GYPE: variants seen among roughly 807,000 people sequenced by gnomAD.
GYPE encodes glycophorin E (MNS blood group).
In GYPE, 8 loss-of-function variants were observed where a neutral mutation model predicts 11.6. The ratio of observed to expected loss-of-function variants is 0.69; its 90% confidence interval spans 0.41 to 1.25. The LOEUF is 1.25. Ranked by LOEUF, GYPE falls within the 50% of genes most tolerant of loss-of-function variation. The pLI is 0.01. For missense variants in GYPE, 90 were observed against 92.8 expected (o/e 0.97, Z 0.12); for synonymous variants, 28 against 29.6 (o/e 0.94, Z 0.18).
Position 143,873,891 on chromosome 4 carries a change from A to G in GYPE, c.*10-1639T>C, listed in dbSNP as rs560496133. Among the ~76,000 whole-genome samples the G allele has an allele frequency of 2.7e-3, 407 of 152,154 alleles. 2 individuals are homozygous for G. Among genetic ancestry groups the G allele is most frequent in the African/African-American group, 9.4e-3 (389 of 41,494 alleles). ...GAAGAACTTTTTGGATGCTTCCCAC[A>G]GGACTGAAATTCCTGCCTCTAATTT... is the stretch of plus-strand genomic sequence containing the variant. On this transcript the variant is annotated intron_variant, in intron 3 of 3. Transcript: ENST00000358615.
chr4:143,882,964 T>C (rs922887299), intron 1 of GYPE, among the ~76,000 whole-genome samples: 2 of 152,170 alleles, frequency 1.3e-5, no homozygotes, highest in African/African-American at 2.4e-5. Context: ...CAAATTCTTA[T>C]GGAGAAAGAA....
At chr4:143,894,113 G>C (rs1014029477) in intron 1 of GYPE, among the ~76,000 whole-genome samples, 20 of 152,100 alleles carry the variant, frequency 1.3e-4, no homozygotes, top group African/African-American at 4.6e-4. Flanking sequence ...GGCTCCTGAG[G>C]CTTCTGCATT....
At chr4:143,885,413 CTTCTTTCTTCTTCAACAGT>C (rs1261189819) in intron 1 of GYPE, among the ~76,000 whole-genome samples, 2 of 152,098 alleles carry the variant, frequency 1.3e-5, no homozygotes, top group African/African-American at 4.8e-5. Flanking sequence ...AATAGGTAGA[CTTCTTTCTTCTTCAACAGT>C]TTCTTTCTTC....
Position 143,871,989 on chromosome 4 carries a change from C to A in GYPE, c.*273G>T, listed in dbSNP as rs1430191384. The A allele has an allele frequency of 1.3e-5, 2 of 152,142 alleles. No homozygotes were observed. Among genetic ancestry groups the A allele is most frequent in the East Asian group, 3.9e-4 (2 of 5,166 alleles). 9.4% of individuals were successfully genotyped at this position (152,142 alleles called of 1,614,324 possible). ...CAAGGGGACACCAAACACAATGAGG[C>A]ATGGGATAAGGATTTCGTGATGAGA... On this transcript the variant is annotated 3_prime_UTR_variant, in exon 4 of 4. Transcript: ENST00000358615.
intron 1 of GYPE, among the ~76,000 whole-genome samples, chr4:143,898,101 G>C (rs191000725): frequency 6.8e-4 from 104 of 152,300 alleles, no homozygotes; most frequent in Non-Finnish European, 1.2e-3. Context: ...GTTACAACTG[G>C]TGCAATGGCT....
intron 1 of GYPE, among the ~76,000 whole-genome samples, chr4:143,890,208 A>G (rs1207745212): frequency 2.0e-5 from 3 of 152,196 alleles, no homozygotes; most frequent in Admixed American, 6.5e-5. Context: ...TTACGGAAGA[A>G]CAGATGGTTC....
rs185355801 is a variant in GYPE at position 143,876,257 on chromosome 4, G to A, written c.*9+489C>T. On this transcript the variant is annotated intron_variant, in intron 3 of 3. Coordinates refer to ENST00000358615, the MANE Select transcript of GYPE (RefSeq NM_198682.3). ...GCCCCCTGAGTGGCTGATACTACACGTGTGCACCACCACGCCTTTCTAATT... is the reference window on the plus strand; with the variant it reads ...GCCCCCTGAGTGGCTGATACTACACATGTGCACCACCACGCCTTTCTAATT... Among the ~76,000 whole-genome samples the A allele has an allele frequency of 6.5e-3, 995 of 152,084 alleles. 17 individuals carry two copies. The highest frequency in any genetic ancestry group is 0.023 in the African/African-American group (948 of 41,488).
intron 1 of GYPE, among the ~76,000 whole-genome samples, chr4:143,903,466 T>A (rs1225428096): frequency 6.9e-6 from 1 of 144,278 alleles, no homozygotes; most frequent in Non-Finnish European, 1.5e-5. Context: ...GAATTAGAAA[T>A]ATTGGCTTTA....
chr4:143,897,926 T>A lies in GYPE; in HGVS notation c.37+7545A>T, dbSNP rs947687533. ...AAACACATGAAAGGATAAGTGCAAA[T>A]AAAACATAGTATATATATCAAAAGA... On this transcript the variant is annotated intron_variant, in intron 1 of 3. Transcript: ENST00000358615. 9.9e-5 allele frequency among the ~76,000 whole-genome samples: 15 copies of A among 152,096 alleles called. 1 individual carries two copies. The highest frequency in any genetic ancestry group is 2.1e-4 in the South Asian group (1 of 4,822).
rs371744756 is a variant in GYPE at position 143,902,241 on chromosome 4, A to C, written c.37+3230T>G. On this transcript the variant is annotated intron_variant, in intron 1 of 3. Coordinates refer to ENST00000358615, the MANE Select transcript of GYPE (RefSeq NM_198682.3). ...AAGCAAAGACACAGGTTTGGCTTTT[A>C]AAGAATTTATAGTCATGTATTCCCT... Among the ~76,000 whole-genome samples the C allele has an allele frequency of 3.9e-3, 589 of 151,422 alleles. 6 individuals carry two copies. Among genetic ancestry groups the C allele is most frequent in the South Asian group, 0.011 (52 of 4,742 alleles).
At chr4:143,874,513 TAGC>T (rs1177384589) in intron 3 of GYPE, among the ~76,000 whole-genome samples, 2 of 152,220 alleles carry the variant, frequency 1.3e-5, no homozygotes, top group Non-Finnish European at 1.5e-5. Context: ...ATGCTGAACA[TAGC>T]AGATTTGTGA....
rs191170526 is a variant in GYPE, at chr4:143,899,573, C to A, written c.37+5898G>T. On this transcript the variant is annotated intron_variant, in intron 1 of 3. Coordinates refer to ENST00000358615, the MANE Select transcript of GYPE (RefSeq NM_198682.3). The stretch of plus-strand genomic sequence containing the variant: ...ATCACACTTCATGAATTCAAAACTT[C>A]TAACCAAGTAACAGCAATAAAATCT... Among the ~76,000 whole-genome samples the A allele has an allele frequency of 2.3e-3, 348 of 152,124 alleles. 3 individuals are homozygous for A. The highest frequency in any genetic ancestry group is 7.9e-3 in the African/African-American group (327 of 41,490).
At chr4:143,899,243 A>G (rs2149916102) in intron 1 of GYPE, among the ~76,000 whole-genome samples, 1 of 150,854 alleles carries the variant, frequency 6.6e-6, no homozygotes, top group East Asian at 2.0e-4. Flanking sequence ...CTGGAACATC[A>G]CTAGGTATGG....
chr4:143,890,591 C>G (rs1217792290), intron 1 of GYPE, among the ~76,000 whole-genome samples: 1 of 152,134 alleles, frequency 6.6e-6, no homozygotes, highest in East Asian at 1.9e-4. Context: ...TTCTGATGTG[C>G]GGCCAGCGGC....
rs377470685 is a variant in GYPE at position 143,880,094 on chromosome 4, T to G, written c.136+317A>C. On this transcript the variant is annotated intron_variant, in intron 2 of 3. Transcript: ENST00000358615. ...TGAGCCCGGGTCTGAGCTGAACTCA[T>G]TTTGCCCACAGACCCTCCGCACCAC... Among the ~76,000 whole-genome samples the G allele has an allele frequency of 4.7e-3, 573 of 121,236 alleles. 1 individual carries two copies. Among genetic ancestry groups the G allele is most frequent in the Middle Eastern group, 0.037 (7 of 190 alleles). 79.5% of individuals were successfully genotyped at this position (121,236 alleles called of 152,430 possible).
Position 143,905,499 on chromosome 4 carries a change from T to C in GYPE, c.9A>G (p.Gly3=). The change falls in exon 1 of 4, where the codon GGA becomes GGG. Residue 3 remains glycine (G), a synonymous_variant. Coordinates refer to ENST00000358615, the MANE Select transcript of GYPE (RefSeq NM_198682.3). ...ACAATAGTAATACAAAGATTATTTT[T>C]CCATACATCCTGAGATCACGAGCTG... MY[G]KIIFVLLLSG... is the part of the protein sequence containing the mutation. 1 of 1,613,262 alleles carries C rather than the reference T, an allele frequency of 6.2e-7. No homozygotes were observed. Among genetic ancestry groups the C allele is most frequent in the Non-Finnish European group, 8.5e-7 (1 of 1,179,352 alleles).
chr4:143,891,807 A>C (rs539650591), intron 1 of GYPE, among the ~76,000 whole-genome samples: 2 of 152,274 alleles, frequency 1.3e-5, no homozygotes, highest in African/African-American at 4.8e-5. Flanking sequence ...GAGAAAATTC[A>C]AACCTGCAGT....
At chr4:143,873,612 GACA>G (rs1743691073) in intron 3 of GYPE, 1 of 346,684 alleles carries the variant, frequency 2.9e-6, no homozygotes, top group Non-Finnish European at 5.7e-6. Flanking sequence ...CCCAGATAGA[GACA>G]ACAATTCTAG....
intron 1 of GYPE, among the ~76,000 whole-genome samples, chr4:143,892,852 TC>T (rs1744465596): frequency 6.7e-6 from 1 of 150,250 alleles, no homozygotes; most frequent in South Asian, 2.2e-4. Flanking sequence ...TGAGTTCAAT[TC>T]CTGGGTATCC....
Sources: gnomAD v4.1 joint callset for allele counts (sites outside exome capture counted in the v4.1 genomes callset) on GRCh38, gnomAD v4.1.1 for gene constraint, MANE v1.5 for transcripts, NCBI Gene and HGNC (gene_info 2026-07-23, HGNC 2026-07-21) for gene names.